CSF2RA: variants seen among roughly 807,000 people sequenced by gnomAD.
CSF2RA encodes the protein granulocyte-macrophage colony-stimulating factor receptor subunit alpha.
A neutral mutation model predicts 51.6 loss-of-function variants in CSF2RA; 42 were observed. The observed-to-expected ratio is 0.81, with a 90% confidence interval of 0.64 to 1.05. CSF2RA has a LOEUF of 1.05. Among genes scored for constraint, CSF2RA ranks in the 50% least tolerant of loss-of-function variants. The pLI, the probability that CSF2RA is intolerant of heterozygous loss-of-function variation, is 0.00. For missense variants in CSF2RA, 530 were observed against 501.1 expected (o/e 1.06, Z -0.55); for synonymous variants, 222 against 193.0 (o/e 1.15, Z -1.24).
chrX:1,279,512 G>C (rs1158710867), intron 2 of CSF2RA, among the ~76,000 whole-genome samples: 3 of 151,820 alleles, frequency 2.0e-5, no homozygotes, highest in Admixed American at 2.0e-4. Flanking sequence ...TCAAGGTCAG[G>C]CCCACCCAGA....
At chrX:1,289,763 G>A (rs1301669743) in intron 6 of CSF2RA, among the ~76,000 whole-genome samples, 1 of 123,278 alleles carries the variant, frequency 8.1e-6, no homozygotes, top group Non-Finnish European at 1.7e-5. Flanking sequence ...TTTTTGTTTT[G>A]TGTTTTTGTG....
At chrX:1,291,523 C>A (rs1569503559) in intron 7 of CSF2RA, among the ~76,000 whole-genome samples, 1 of 151,906 alleles carries the variant, frequency 6.6e-6, no homozygotes, top group Non-Finnish European at 1.5e-5. Context: ...GTCCCATATG[C>A]CCACACGCTC....
intron 2 of CSF2RA, among the ~76,000 whole-genome samples, chrX:1,277,770 A>G (rs1328013538): frequency 1.4e-5 from 2 of 148,006 alleles, no homozygotes; most frequent in African/African-American, 2.5e-5. Context: ...TGAGGTCAGG[A>G]GTTCGAGACC....
chrX:1,324,213 G>A, the CSF2RA span, among the ~76,000 whole-genome samples: 2 of 150,412 alleles, frequency 1.3e-5, no homozygotes, highest in Non-Finnish European at 3.0e-5. Flanking sequence ...CAAAACAGAG[G>A]CCAGGAGGGG....
chrX:1,324,231 C>T, the CSF2RA span, among the ~76,000 whole-genome samples: 4 of 147,750 alleles, frequency 2.7e-5, no homozygotes, highest in Admixed American at 6.8e-5. Flanking sequence ...GGGTGATTCA[C>T]GCCTGTAATC....
downstream of CSF2RA, among the ~76,000 whole-genome samples, chrX:1,312,502 CTA>C (rs1372917533): frequency 1.3e-5 from 2 of 152,138 alleles, no homozygotes; most frequent in Admixed American, 6.6e-5. Context: ...ATTATTCTGT[CTA>C]TCACATGGGA....
At chrX:1,313,251 C>A (rs747123701), downstream of CSF2RA, among the ~76,000 whole-genome samples, 1 of 150,720 alleles carries the variant, frequency 6.6e-6, no homozygotes, top group Admixed American at 6.6e-5. Context: ...TGGTGAAACT[C>A]GTCTCTACTA....
chrX:1,279,787 T>G (rs2089654672), intron 2 of CSF2RA, among the ~76,000 whole-genome samples: 3 of 151,032 alleles, frequency 2.0e-5, no homozygotes, highest in Non-Finnish European at 2.9e-5. Context: ...GTTTTTTTTT[T>G]TTGTTTGTTT....
At chrX:1,314,497 G>GCCTGCCCAACCGCACTGCA (rs2084396337), downstream of CSF2RA, among the ~76,000 whole-genome samples, 2 of 90,668 alleles carry the variant, frequency 2.2e-5, no homozygotes, top group African/African-American at 1.0e-4. Flanking sequence ...ACCCCACTGT[G>GCCTGCCCAACCGCACTGCA]CCTGCCCAAC....
chrX:1,315,104 AG>A (rs1297739085), downstream of CSF2RA, among the ~76,000 whole-genome samples: 1 of 151,936 alleles, frequency 6.6e-6, no homozygotes, highest in Non-Finnish European at 1.5e-5. Context: ...AGATGCATGC[AG>A]GTGGGAGTCA....
chrX:1,303,353 A>G (rs759858914), intron 10 of CSF2RA: 26 of 421,694 alleles, frequency 6.2e-5, no homozygotes, highest in Admixed American at 4.4e-4. Flanking sequence ...CTCCTGCCTC[A>G]GACTCCCAGG....
chrX:1,313,163 C>G (rs1167850246), downstream of CSF2RA, among the ~76,000 whole-genome samples: 2 of 152,114 alleles, frequency 1.3e-5, no homozygotes, highest in Non-Finnish European at 2.9e-5. Context: ...GGTAGCCATG[C>G]CTATAATCCC....
downstream of CSF2RA, among the ~76,000 whole-genome samples, chrX:1,312,979 G>A (rs1208546724): frequency 6.6e-6 from 1 of 152,138 alleles, no homozygotes; most frequent in Non-Finnish European, 1.5e-5. Flanking sequence ...AATCCTCTGG[G>A]CCTGCAAGAA....
chrX:1,309,126 G>A (rs1400987384), intron 12 of CSF2RA, among the ~76,000 whole-genome samples: 2 of 152,016 alleles, frequency 1.3e-5, no homozygotes, highest in African/African-American at 2.4e-5. Flanking sequence ...CATCTAATCA[G>A]TCGAAGGTCT....
chrX:1,314,815 A>T (rs866230780), downstream of CSF2RA, among the ~76,000 whole-genome samples: 81 of 70,256 alleles, frequency 1.2e-3, 4 homozygotes, highest in African/African-American at 6.2e-3. Flanking sequence ...GCCCAACCCC[A>T]CTGTGCCTGC....
chrX:1,313,201 A>G (rs2084259217), downstream of CSF2RA, among the ~76,000 whole-genome samples: 1 of 152,090 alleles, frequency 6.6e-6, no homozygotes, highest in Admixed American at 6.6e-5. Flanking sequence ...AGGCAGGTGG[A>G]TCACTTGAGG....
intron 1 of CSF2RA, among the ~76,000 whole-genome samples, chrX:1,270,639 C>G (rs28715450): frequency 7.4e-4 from 113 of 151,746 alleles, no homozygotes; most frequent in Non-Finnish European, 1.3e-3. Context: ...GTTCAGTCCT[C>G]GGTCTGTTTA....
chrX:1,305,200 G>A (rs1280063720), intron 11 of CSF2RA, among the ~76,000 whole-genome samples: 1 of 149,572 alleles, frequency 6.7e-6, no homozygotes, highest in Non-Finnish European at 1.5e-5. Context: ...CACCACGTTG[G>A]CCAGGCTGGT....
intron 6 of CSF2RA, 117 bp downstream of exon 6, chrX:1,289,005 A>C: frequency 7.1e-7 from 1 of 1,412,776 alleles, no homozygotes; most frequent in Non-Finnish European, 9.9e-7. Context: ...TCTGTTGCCC[A>C]GGCTGCAATG....
Sources: allele counts gnomAD v4.1 joint callset (sites outside exome capture counted in the v4.1 genomes callset), GRCh38; gene constraint gnomAD v4.1.1; transcripts MANE v1.5; gene names NCBI Gene and HGNC (gene_info 2026-07-23, HGNC 2026-07-21).